RAB31: variants seen among roughly 807,000 people sequenced by gnomAD.
RAB31 encodes the protein RAB31, member RAS oncogene family.
Under a neutral mutation model 25.6 loss-of-function variants are expected in RAB31, and 21 were observed. The observed-to-expected ratio is 0.82, with a 90% CI of 0.58 to 1.18. The LOEUF is 1.18. Among genes scored for constraint, RAB31 ranks in the 50% most tolerant of loss-of-function variants. The pLI, the probability that RAB31 is intolerant of heterozygous loss-of-function variation, is 0.00. For missense variants in RAB31, 196 were observed against 250.1 expected (o/e 0.78, Z 1.46); for synonymous variants, 87 against 84.0 (o/e 1.04, Z -0.20).
intron 1 of RAB31, among the ~76,000 whole-genome samples, chr18:9,764,716 A>G (rs550192259): frequency 1.3e-4 from 20 of 152,222 alleles, no homozygotes; most frequent in African/African-American, 3.6e-4. Context: ...TGTATCTTAA[A>G]TGTGGCACCT....
At chr18:9,849,853 T>C (rs1452611898) in intron 6 of RAB31, among the ~76,000 whole-genome samples, 1 of 151,974 alleles carries the variant, frequency 6.6e-6, no homozygotes, top group East Asian at 1.9e-4. Flanking sequence ...CTGTGGGAAG[T>C]TGTGGTTAGA....
intron 1 of RAB31, among the ~76,000 whole-genome samples, chr18:9,711,046 T>C (rs1196379527): frequency 6.6e-6 from 1 of 152,110 alleles, no homozygotes; most frequent in East Asian, 1.9e-4. Context: ...TTTGGCTGGC[T>C]CTTTCCTGGG....
chr18:9,776,473 T>C (rs1442341900), intron 2 of RAB31, among the ~76,000 whole-genome samples: 4 of 152,140 alleles, frequency 2.6e-5, no homozygotes, highest in Non-Finnish European at 5.9e-5. Flanking sequence ...GTTGGAACTG[T>C]GTAGCTGAGA....
intron 6 of RAB31, among the ~76,000 whole-genome samples, chr18:9,848,996 G>T (rs1176229161): frequency 3.3e-5 from 5 of 152,174 alleles, no homozygotes. Context: ...TGTGCAGTTT[G>T]TCCTCCTCAT....
chr18:9,834,815 T>TC (rs2068696291), intron 5 of RAB31, among the ~76,000 whole-genome samples: 1 of 152,138 alleles, frequency 6.6e-6, no homozygotes, highest in Non-Finnish European at 1.5e-5. Flanking sequence ...GACAGAGTAA[T>TC]CTCTTTTGCC....
At chr18:9,818,076 TAC>T (rs1407546894) in intron 5 of RAB31, among the ~76,000 whole-genome samples, 2 of 152,236 alleles carry the variant, frequency 1.3e-5, no homozygotes, top group African/African-American at 4.8e-5. Flanking sequence ...TCTTTTGTTA[TAC>T]ACAGTTATTT....
At position 9,831,253 on chromosome 18, in the gene RAB31, A is replaced by G. The variant is rs192817065; in HGVS notation, c.381-14329A>G. ...GTACTTTGGGTTATGATGCAGAACTATGTTATCTATTTCGTTGCTCAAACG... is the reference window on the plus strand; with the variant it reads ...GTACTTTGGGTTATGATGCAGAACTGTGTTATCTATTTCGTTGCTCAAACG... On this transcript the variant is annotated intron_variant, in intron 5 of 6. Coordinates refer to ENST00000578921, the MANE Select transcript of RAB31 (RefSeq NM_006868.4). 8.4e-4 allele frequency among the ~76,000 whole-genome samples: 128 copies of G among 152,290 alleles called. 1 individual carries two copies. The highest frequency in any genetic ancestry group is 2.6e-3 in the African/African-American group (107 of 41,560).
At chr18:9,751,561 G>C (rs890095387) in intron 1 of RAB31, among the ~76,000 whole-genome samples, 1 of 152,188 alleles carries the variant, frequency 6.6e-6, no homozygotes, top group Non-Finnish European at 1.5e-5. Context: ...TCGGGCCACA[G>C]CAATCTTTCC....
At chr18:9,823,957 T>G (rs1043451272) in intron 5 of RAB31, among the ~76,000 whole-genome samples, 1 of 152,200 alleles carries the variant, frequency 6.6e-6, no homozygotes, top group African/African-American at 2.4e-5. Flanking sequence ...GTTGACACGT[T>G]TCTATGGTGG....
At chr18:9,733,910 C>A (rs1285022860) in intron 1 of RAB31, among the ~76,000 whole-genome samples, 1 of 151,600 alleles carries the variant, frequency 6.6e-6, no homozygotes, top group African/African-American at 2.4e-5. Flanking sequence ...GGAGGGGGGG[C>A]TTGGTTGGTA....
intron 2 of RAB31, among the ~76,000 whole-genome samples, chr18:9,780,477 T>C (rs1275087688): frequency 2.0e-5 from 3 of 152,240 alleles, no homozygotes; most frequent in Non-Finnish European, 4.4e-5. Flanking sequence ...TTTTGTTATT[T>C]TCTTCCAGCC....
Position 9,804,398 on chromosome 18 carries a change from G to T in RAB31, c.202-9622G>T, listed in dbSNP as rs540572653. ...ATGAGGCACTGTCTGTGCCTCTTGG[G>T]TGGAGGCCAAGTTTCCATTCTGCCA... On this transcript the variant is annotated intron_variant, in intron 3 of 6. Transcript: ENST00000578921. Among the ~76,000 whole-genome samples the T allele has an allele frequency of 2.6e-5, 4 of 152,294 alleles. No homozygotes were observed. The East Asian group carries it at 7.7e-4, about 29-fold the overall frequency.
At chr18:9,771,375 G>A (rs1220897883) in intron 1 of RAB31, among the ~76,000 whole-genome samples, 1 of 152,110 alleles carries the variant, frequency 6.6e-6, no homozygotes, top group Admixed American at 6.6e-5. Context: ...AGAATCTTAC[G>A]AAATGGAATA....
intron 1 of RAB31, among the ~76,000 whole-genome samples, chr18:9,752,413 C>T (rs62081160): frequency 0.39 from 59,888 of 151,804 alleles, 12,067 homozygotes; most frequent in African/African-American, 0.41. Flanking sequence ...TTAGTAGGGA[C>T]GAGGTTTAGC....
intron 6 of RAB31, 95 bp downstream of exon 6, chr18:9,845,786 C>G: frequency 7.0e-7 from 1 of 1,419,770 alleles, no homozygotes. Flanking sequence ...TGAACTTTTC[C>G]TCTGTGTGAA....
chr18:9,709,426 C>T (rs976559721), intron 1 of RAB31, among the ~76,000 whole-genome samples: 1 of 152,158 alleles, frequency 6.6e-6, no homozygotes, highest in Non-Finnish European at 1.5e-5. Context: ...CTCATGAAAA[C>T]CATTTCCTAA....
At chr18:9,770,647 G>C (rs965783538) in intron 1 of RAB31, among the ~76,000 whole-genome samples, 1 of 152,050 alleles carries the variant, frequency 6.6e-6, no homozygotes, top group African/African-American at 2.4e-5. Context: ...CCACAGGTAG[G>C]GTTTTACTGT....
intron 5 of RAB31, among the ~76,000 whole-genome samples, chr18:9,824,361 G>GGT (rs150197345): frequency 1.4e-5 from 2 of 143,224 alleles, no homozygotes; most frequent in Non-Finnish European, 3.1e-5. Context: ...TGTGTGTATA[G>GGT]GTGTGTGTGT....
chr18:9,777,159 C>A (rs775797801), intron 2 of RAB31, among the ~76,000 whole-genome samples: 3 of 86,404 alleles, frequency 3.5e-5, no homozygotes, highest in African/African-American at 4.7e-5. Flanking sequence ...CTGGCCAACA[C>A]GGTGAAACCC....
Sources: allele counts gnomAD v4.1 joint callset (sites outside exome capture counted in the v4.1 genomes callset), GRCh38; gene constraint gnomAD v4.1.1; transcripts MANE v1.5; gene names NCBI Gene and HGNC (gene_info 2026-07-23, HGNC 2026-07-21).